Variants in KIRREL3 observed in about 807,000 individuals in gnomAD.
The protein encoded by KIRREL3 is kin of IRRE-like protein 3.
Under a neutral mutation model 89.7 loss-of-function variants are expected in KIRREL3, and 36 were observed. The ratio of observed to expected loss-of-function variants is 0.40; its 90% CI spans 0.31 to 0.53. The LOEUF is 0.53. Ranked by LOEUF, KIRREL3 falls within the 20% of genes least tolerant of loss-of-function variation. The pLI is 0.49. For synonymous variants in KIRREL3, 445 were observed against 441.4 expected, an observed-to-expected ratio of 1.01 and a Z score of -0.10; for missense variants, 864 against 1,056.6, an observed-to-expected ratio of 0.82 and a Z score of 2.53.
intron 1 of KIRREL3, among the ~76,000 whole-genome samples, chr11:126,971,450 G>A (rs1949422223): frequency 6.6e-6 from 1 of 152,182 alleles, no homozygotes; most frequent in African/African-American, 2.4e-5. Context: ...GGGTTTTTAT[G>A]TTCTGTTCGG....
intron 1 of KIRREL3, among the ~76,000 whole-genome samples, chr11:126,810,928 C>A (rs775444631): frequency 6.6e-6 from 1 of 152,158 alleles, no homozygotes; most frequent in African/African-American, 2.4e-5. Flanking sequence ...CTCTCCCTGA[C>A]AGCTGTGGGT....
In KIRREL3 at chr11:126,585,220, CTTTTTTTTTTTTTTTT is replaced by C. The variant is rs3042225; in HGVS notation, c.56-22324_56-22309del. Among the ~76,000 whole-genome samples the C allele has an allele frequency of 9.8e-4, 80 of 81,890 alleles. 2 individuals carry two copies. The highest frequency in any genetic ancestry group is 5.5e-4 in the Non-Finnish European group (24 of 43,812). The allele number at this position is 81,890 out of a possible 152,430, so 53.7% of individuals were successfully genotyped here. A position where few individuals can be genotyped will look rare whatever the true frequency, so the allele number is the denominator to read the frequency against. On this transcript the variant is annotated intron_variant, in intron 1 of 16. Coordinates refer to ENST00000525144, the MANE Select transcript of KIRREL3 (RefSeq NM_032531.4). Reference sequence around the variant, plus strand: ...AGGCGTGAGCCACCGCGCCCGGCCTCTTTTTTTTTTTTTTTTTTTTTTTTTTTGAGATAGAGTCTCT... The same window carrying C: ...AGGCGTGAGCCACCGCGCCCGGCCTCTTTTTTTTTTTGAGATAGAGTCTCT...
At chr11:126,713,115 G>A (rs1263606846) in intron 1 of KIRREL3, among the ~76,000 whole-genome samples, 1 of 152,226 alleles carries the variant, frequency 6.6e-6, no homozygotes, top group Non-Finnish European at 1.5e-5. Context: ...GGGGGCTGTG[G>A]AAGCCCACAT....
At chr11:126,438,255 G>C (rs1222267772) in intron 11 of KIRREL3, among the ~76,000 whole-genome samples, 2 of 152,260 alleles carry the variant, frequency 1.3e-5, no homozygotes, top group Non-Finnish European at 1.5e-5. Flanking sequence ...AGCTGTGTTT[G>C]CGATCACCTT....
intron 1 of KIRREL3, among the ~76,000 whole-genome samples, chr11:126,967,171 G>T (rs1949296313): frequency 6.6e-6 from 1 of 152,162 alleles, no homozygotes; most frequent in Non-Finnish European, 1.5e-5. Flanking sequence ...CTGACACCTG[G>T]AGCAGAGACT....
intron 1 of KIRREL3, among the ~76,000 whole-genome samples, chr11:126,856,915 T>C (rs1431402057): frequency 1.3e-5 from 2 of 152,248 alleles, no homozygotes; most frequent in South Asian, 2.1e-4. Flanking sequence ...TTTTATGAAA[T>C]GGTGAGCATG....
chr11:126,658,274 T>C (rs1049599865), intron 1 of KIRREL3, among the ~76,000 whole-genome samples: 9 of 152,212 alleles, frequency 5.9e-5, no homozygotes, highest in Non-Finnish European at 8.8e-5. Flanking sequence ...TTTGAGGGAA[T>C]GGTTATTTTT....
At position 126,773,300 on chromosome 11, in the gene KIRREL3, T is replaced by C. The variant is rs1950074492; in HGVS notation, c.56-210388A>G. On this transcript the variant is annotated intron_variant, in intron 1 of 16. Transcript: ENST00000525144. The surrounding 1 kb of genome is among the most constrained non-coding windows in gnomAD (Gnocchi z 4.2). ...TGAAGTCAATACAGTGTGGGTCGGC[T>C]TTGTCCCATCAGTTCAGGGCCAGAG... Among the ~76,000 whole-genome samples the C allele has an allele frequency of 6.6e-6, 1 of 152,128 alleles. No homozygotes were observed.
Position 126,848,459 on chromosome 11 carries a change from G to A in KIRREL3, c.55+151996C>T, listed in dbSNP as rs57082740. ...TTTTCCTGCAATGTAGGCTGACCCC[G>A]CTTATTCCTGTAAACCAACCAGTAA... is the stretch of plus-strand genomic sequence containing the variant. On this transcript the variant is annotated intron_variant, in intron 1 of 16. Coordinates refer to ENST00000525144, the MANE Select transcript of KIRREL3 (RefSeq NM_032531.4). Among the ~76,000 whole-genome samples, 983 of 152,122 alleles carry A rather than the reference G, an allele frequency of 6.5e-3. 4 individuals carry two copies. Among genetic ancestry groups the A allele is most frequent in the African/African-American group, 0.022 (924 of 41,482 alleles).
In KIRREL3 at chr11:126,772,538, G is replaced by A. The variant is rs1383938964; in HGVS notation, c.56-209626C>T. 2.6e-5 allele frequency among the ~76,000 whole-genome samples: 4 copies of A among 152,154 alleles called. No individual in the cohort carries two copies. The highest frequency in any genetic ancestry group is 7.2e-5 in the African/African-American group (3 of 41,424). On this transcript the variant is annotated intron_variant, in intron 1 of 16. Transcript: ENST00000525144. This position sits in a 1 kb window ranked among gnomAD's most constrained non-coding sequence, Gnocchi z 4.6. ...TGTGTGACATGTGTGTTTCACCTCC[G>A]GAGTCAGTCAATGTGGCTCACAGAG...
At chr11:126,659,863 G>A (rs945883339) in intron 1 of KIRREL3, among the ~76,000 whole-genome samples, 4 of 152,208 alleles carry the variant, frequency 2.6e-5, no homozygotes, top group Admixed American at 2.6e-4. Context: ...AGTTTGAGAA[G>A]CATACTACTA....
rs564397006 is a variant in KIRREL3 at position 126,541,401 on chromosome 11, T to TG, written c.134-14715dup. Among the ~76,000 whole-genome samples, 1 of 151,536 alleles carries TG rather than the reference T, an allele frequency of 6.6e-6. No homozygotes were observed. The highest frequency in any genetic ancestry group is 1.5e-5 in the Non-Finnish European group (1 of 67,902). On this transcript the variant is annotated intron_variant, in intron 2 of 16. Coordinates refer to ENST00000525144, the MANE Select transcript of KIRREL3 (RefSeq NM_032531.4). This position sits in a 1 kb window ranked among gnomAD's most constrained non-coding sequence, Gnocchi z 4.8. ...CTTATCCAAAATCCTATTTCGGGGG[T>TG]GGGGGGTGGTCCTAAGGTTGAAAAT...
At position 126,511,963 on chromosome 11, in the gene KIRREL3, G is replaced by A. The variant is rs145371612; in HGVS notation, c.433+9352C>T. On this transcript the variant is annotated intron_variant, in intron 4 of 16. Transcript: ENST00000525144. The stretch of plus-strand genomic sequence containing the variant: ...TCCCCCAGGGCGGGCCTCAGACAGC[G>A]TCCTGGGTTTGACACCCAGGATGCC... 6.9e-3 allele frequency among the ~76,000 whole-genome samples: 1,048 copies of A among 152,284 alleles called. 4 individuals are homozygous for A. Among genetic ancestry groups the A allele is most frequent in the Middle Eastern group, 0.024 (7 of 294 alleles).
In KIRREL3 at chr11:126,564,820, T is replaced by C. The variant is rs1464334896; in HGVS notation, c.56-1908A>G. The stretch of plus-strand genomic sequence containing the variant: ...GGAAGTACAAGCTGCGAGGAGGTGC[T>C]GAGCTCCCTGGAACAATAGCCTCTC... On this transcript the variant is annotated intron_variant, in intron 1 of 16. Transcript: ENST00000525144. The surrounding 1 kb of genome is among the most constrained non-coding windows in gnomAD (Gnocchi z 7.4). Among the ~76,000 whole-genome samples the C allele has an allele frequency of 6.6e-6, 1 of 152,214 alleles. No individual in the cohort carries two copies. The highest frequency in any genetic ancestry group is 2.4e-5 in the African/African-American group (1 of 41,468).
rs1950264941 is a variant in KIRREL3, at chr11:126,999,568, C to A, written c.55+887G>T. On this transcript the variant is annotated intron_variant, in intron 1 of 16. Coordinates refer to ENST00000525144, the MANE Select transcript of KIRREL3 (RefSeq NM_032531.4). This position sits in a 1 kb window ranked among gnomAD's most constrained non-coding sequence, Gnocchi z 5.7. ...AGATGGCAGAGGTGCATTGGCATTC[C>A]AAAAGAGCGGGAAGGAGCCCATGTA... Among the ~76,000 whole-genome samples, 2 of 152,214 alleles carry A rather than the reference C, an allele frequency of 1.3e-5. No homozygotes were observed. The highest frequency in any genetic ancestry group is 1.5e-5 in the Non-Finnish European group (1 of 68,044).
chr11:126,552,510 T>C (rs1204841465), intron 2 of KIRREL3, among the ~76,000 whole-genome samples: 4 of 147,232 alleles, frequency 2.7e-5, no homozygotes, highest in Non-Finnish European at 4.5e-5. Flanking sequence ...GTTGCAGCCC[T>C]GGTCCCGGGA....
intron 1 of KIRREL3, among the ~76,000 whole-genome samples, chr11:126,821,106 C>T (rs943319037): frequency 2.6e-5 from 4 of 151,892 alleles, no homozygotes; most frequent in Admixed American, 6.6e-5. Flanking sequence ...GTCCCCTTAT[C>T]GCAGAGTTCA....
intron 1 of KIRREL3, among the ~76,000 whole-genome samples, chr11:126,962,689 T>C (rs544435910): frequency 1.1e-4 from 16 of 152,284 alleles, no homozygotes; most frequent in Non-Finnish European, 1.6e-4. Flanking sequence ...CTATTGTGGG[T>C]AAAATGCTGT....
At chr11:126,556,040 C>T (rs1939683183) in intron 2 of KIRREL3, among the ~76,000 whole-genome samples, 1 of 152,204 alleles carries the variant, frequency 6.6e-6, no homozygotes. Flanking sequence ...CCGTGCCCGG[C>T]CTTCAGTATT....
Sources: allele counts gnomAD v4.1 joint callset (sites outside exome capture counted in the v4.1 genomes callset), GRCh38; gene constraint gnomAD v4.1.1; non-coding constraint Gnocchi (gnomAD v3.1); transcripts MANE v1.5; gene names NCBI Gene and HGNC (gene_info 2026-07-23, HGNC 2026-07-21).